ADI1: variants seen among roughly 807,000 people sequenced by gnomAD.
The protein encoded by ADI1 is acireductone dioxygenase 1, also known as acireductone dioxygenase.
ADI1 carries 21 observed loss-of-function variants against 18.7 expected under a neutral mutation model. That is an observed-to-expected ratio of 1.13 (90% CI 0.80 to 1.62). The LOEUF is 1.62. ADI1 is among the 40% of genes most tolerant of loss of function. ADI1 has a pLI of 0.00. For synonymous variants in ADI1, 90 were observed against 100.1 expected (o/e 0.90, Z 0.60); for missense variants, 245 against 254.9 (o/e 0.96, Z 0.26).
chr2:3,512,001 T>C (rs1038890669), intron 2 of ADI1, among the ~76,000 whole-genome samples: 1 of 152,236 alleles, frequency 6.6e-6, no homozygotes, highest in Admixed American at 6.5e-5. Flanking sequence ...AGCACCAAAG[T>C]GTTCAAGATG....
chr2:3,515,933 C>T (rs536126260), intron 1 of ADI1: 255 of 985,396 alleles, frequency 2.6e-4, no homozygotes, highest in Non-Finnish European at 2.8e-4. Context: ...GTCATCAATA[C>T]GTTATTTTCT....
intron 2 of ADI1, among the ~76,000 whole-genome samples, chr2:3,502,669 C>G (rs1042009067): frequency 5.3e-5 from 8 of 152,086 alleles, no homozygotes; most frequent in Non-Finnish European, 1.5e-5. Context: ...AGGCTGGCCT[C>G]GAACTCTCGT....
intron 2 of ADI1, among the ~76,000 whole-genome samples, chr2:3,511,019 T>A (rs1487635558): frequency 6.6e-6 from 1 of 152,236 alleles, no homozygotes; most frequent in East Asian, 1.9e-4. Flanking sequence ...TGTTAAATCG[T>A]AATTCTCAGT....
At chr2:3,508,332 C>G in intron 2 of ADI1, among the ~76,000 whole-genome samples, 1 of 42,428 alleles carries the variant, frequency 2.4e-5, no homozygotes, top group East Asian at 9.9e-4. Flanking sequence ...GAGACTCTGT[C>G]TCAAAAAAAA....
At chr2:3,503,006 G>A (rs1667061452) in intron 2 of ADI1, among the ~76,000 whole-genome samples, 1 of 152,112 alleles carries the variant, frequency 6.6e-6, no homozygotes, top group Admixed American at 6.5e-5. Flanking sequence ...AAGCCCTGTG[G>A]ATGTAACTGG....
Position 3,503,370 on chromosome 2 carries a change from C to G in ADI1, c.241-2377G>C, listed in dbSNP as rs578098488. ...ACTCACACGCACATTCACACACATGCACACATACACACGTACTCACACGCA... is the reference window on the plus strand; with the variant it reads ...ACTCACACGCACATTCACACACATGGACACATACACACGTACTCACACGCA... On this transcript the variant is annotated intron_variant, in intron 2 of 3. Transcript: ENST00000327435. 7.4e-4 allele frequency among the ~76,000 whole-genome samples: 79 copies of G among 107,362 alleles called. 8 individuals are homozygous for G. The highest frequency in any genetic ancestry group is 5.6e-3 in the African/African-American group (74 of 13,134). 70.4% of individuals were successfully genotyped at this position (107,362 alleles called of 152,430 possible).
chr2:3,516,692 T>C (rs1315363684), intron 1 of ADI1: 3 of 975,914 alleles, frequency 3.1e-6, no homozygotes, highest in Non-Finnish European at 3.7e-6. Context: ...GTTTAAGCTA[T>C]TTTTGTCATT....
At chr2:3,500,498 G>GGTGACAACCCTC in intron 3 of ADI1, 1 of 491,144 alleles carries the variant, frequency 2.0e-6, no homozygotes, top group Non-Finnish European at 3.7e-6. Flanking sequence ...CAAGGGCTGG[G>GGTGACAACCCTC]GCAGGGCCAG....
intron 2 of ADI1, among the ~76,000 whole-genome samples, chr2:3,511,929 G>T (rs1667302471): frequency 1.3e-5 from 2 of 152,198 alleles, no homozygotes; most frequent in East Asian, 3.8e-4. Context: ...ACATGCCCTA[G>T]GGATCTGCGG....
intron 3 of ADI1, among the ~76,000 whole-genome samples, chr2:3,500,353 C>T (rs1222984390): frequency 7.7e-6 from 1 of 129,672 alleles, no homozygotes; most frequent in African/African-American, 3.4e-5. Flanking sequence ...CCAATCCTGA[C>T]TGGACTGCGT....
At chr2:3,517,070 T>G (rs1412767863) in intron 1 of ADI1, 7 of 386,946 alleles carry the variant, frequency 1.8e-5, no homozygotes, top group Non-Finnish European at 2.5e-5. Context: ...GGCCCCAGGA[T>G]GAGACCAAAC....
chr2:3,509,171 C>G (rs938349412), intron 2 of ADI1, among the ~76,000 whole-genome samples: 1 of 152,056 alleles, frequency 6.6e-6, no homozygotes, highest in African/African-American at 2.4e-5. Flanking sequence ...AGCTGAGCAT[C>G]AAAATATGTG....
Position 3,499,039 on chromosome 2 carries a change from C to T in ADI1, c.464G>A (p.Trp155Ter). The T allele has an allele frequency of 6.2e-7, 1 of 1,614,130 alleles. No homozygotes were observed. The highest frequency in any genetic ancestry group is 8.5e-7 in the Non-Finnish European group (1 of 1,179,950). ...GTCAGCGGGCCGGTTGTACGCTGTC[C>T]ACACCGGTTCTCCCACAAACAGCCG... ...AMRLFVGEPV[W>*]TAYNRPADHF... The change falls in exon 4 of 4, where the codon TGG (tryptophan) becomes TAG (stop). Residue 155 changes from tryptophan to a stop codon, truncating the protein, a stop_gained. Coordinates refer to ENST00000327435, the MANE Select transcript of ADI1 (RefSeq NM_018269.4). LOFTEE classifies it high-confidence loss of function.
chr2:3,513,758 C>T, intron 2 of ADI1, 99 bp downstream of exon 2: 2 of 1,294,262 alleles, frequency 1.5e-6, no homozygotes, highest in Non-Finnish European at 2.1e-6. Context: ...GCAAGAATGG[C>T]CTCATACAGA....
At chr2:3,513,208 G>A (rs954571556) in intron 2 of ADI1, among the ~76,000 whole-genome samples, 1 of 152,202 alleles carries the variant, frequency 6.6e-6, no homozygotes, top group African/African-American at 2.4e-5. Context: ...ATGAGTATCA[G>A]ATGAGACTTT....
rs1227707802 is a variant in ADI1, at chr2:3,508,350, A to AC, written c.240+5506_240+5507insG. Reference sequence around the variant, plus strand: ...ACTCTGTCTCAAAAAAAAAAAAAAAAAAAAAAAAAACAATAACAAAGAACA... The same window carrying AC: ...ACTCTGTCTCAAAAAAAAAAAAAAAACAAAAAAAAAACAATAACAAAGAACA... On this transcript the variant is annotated intron_variant, in intron 2 of 3. Coordinates refer to ENST00000327435, the MANE Select transcript of ADI1 (RefSeq NM_018269.4). 3.4e-3 allele frequency among the ~76,000 whole-genome samples: 506 copies of AC among 147,508 alleles called. 10 individuals carry two copies. The highest frequency in any genetic ancestry group is 0.012 in the African/African-American group (472 of 38,488).
At position 3,515,088 on chromosome 2, in the gene ADI1, AAAAAT is replaced by A. The variant is rs553373903; in HGVS notation, c.121-1117_121-1113del. ...AACAATATGAAATCAGTACACCTTAAAAAATAAAATAACAGCGATTTTTAGGGAAC... is the reference window on the plus strand; with the variant it reads ...AACAATATGAAATCAGTACACCTTAAAAAATAACAGCGATTTTTAGGGAAC... On this transcript the variant is annotated intron_variant, in intron 1 of 3. Coordinates refer to ENST00000327435, the MANE Select transcript of ADI1 (RefSeq NM_018269.4). The A allele has an allele frequency of 1.8e-3, 593 of 329,540 alleles. 1 individual carries two copies. The highest frequency in any genetic ancestry group is 0.01 in the Middle Eastern group (11 of 1,054). 20.4% of individuals were successfully genotyped at this position (329,540 alleles called of 1,614,324 possible). A position where few individuals can be genotyped will look rare whatever the true frequency, so the allele number is the denominator to read the frequency against.
chr2:3,500,098 C>T (rs528134674), intron 3 of ADI1, among the ~76,000 whole-genome samples: 3 of 150,376 alleles, frequency 2.0e-5, no homozygotes, highest in African/African-American at 4.9e-5. Flanking sequence ...TCCTGACTGA[C>T]ATGCACTTGG....
chr2:3,513,410 G>A (rs193035668), intron 2 of ADI1, among the ~76,000 whole-genome samples: 1 of 152,308 alleles, frequency 6.6e-6, no homozygotes, highest in Non-Finnish European at 1.5e-5. Flanking sequence ...AGTATTGAAA[G>A]TGGGACCTGG....
Sources: gnomAD v4.1 joint callset for allele counts (sites outside exome capture counted in the v4.1 genomes callset) on GRCh38, gnomAD v4.1.1 for gene constraint, MANE v1.5 for transcripts, NCBI Gene and HGNC (gene_info 2026-07-23, HGNC 2026-07-21) for gene names.